Variants in WWC1 observed in about 807,000 individuals in gnomAD.
WWC1 encodes protein KIBRA.
Under a neutral mutation model 138.4 loss-of-function variants are expected in WWC1, and 55 were observed. The observed-to-expected ratio is 0.40, with a 90% CI of 0.32 to 0.50. The LOEUF is 0.50. WWC1 is among the 20% of genes least tolerant of loss of function. WWC1 has a pLI of 0.72. For missense variants in WWC1, 1,226 were observed against 1,420.4 expected, an observed-to-expected ratio of 0.86 and a Z score of 2.20; for synonymous variants, 524 against 564.9, an observed-to-expected ratio of 0.93 and a Z score of 1.03.
chr5:168,432,365 G>T (rs1354801351), intron 15 of WWC1, among the ~76,000 whole-genome samples: 3 of 152,140 alleles, frequency 2.0e-5, no homozygotes, highest in South Asian at 4.1e-4. Context: ...CACTGCATTG[G>T]CAGGAGTCAG....
At chr5:168,360,193 G>A (rs1244224902) in intron 1 of WWC1, among the ~76,000 whole-genome samples, 1 of 152,186 alleles carries the variant, frequency 6.6e-6, no homozygotes, top group Non-Finnish European at 1.5e-5. Context: ...CAGGACTGCA[G>A]CCTAGGTGAT....
intron 10 of WWC1, among the ~76,000 whole-genome samples, 175 bp downstream of exon 10, chr5:168,422,272 A>G (rs1196588245): frequency 6.6e-6 from 1 of 152,180 alleles, no homozygotes; most frequent in Non-Finnish European, 1.5e-5. Context: ...GTAGCTAGGA[A>G]TAGGGGTCTT....
In WWC1 at chr5:168,431,259, C is replaced by T. The variant is rs1444550168; in HGVS notation, c.2095C>T (p.Arg699Cys). 3 of 1,612,446 alleles carry T rather than the reference C, an allele frequency of 1.9e-6. No homozygotes were observed. The highest frequency in any genetic ancestry group is 2.2e-5 in the East Asian group (1 of 44,844). ...GGTTCTGTCTCCCTCTAGGAATATC[C>T]GCGTGGCTGTCCTTCCTTGCTCTGA... The part of the protein sequence containing the change: ...LQQQDQKVNI[R>C]VAVLPCSEST... The change falls in exon 15 of 23, where the codon CGC becomes TGC. Residue 699 changes from arginine (R) to cysteine (C), a missense_variant. By Grantham distance (180) the Arg-to-Cys change is radical (BLOSUM62 -3). This residue lies in a region of WWC1 where 1,016 missense variants were observed against 1,153.9 expected (regional missense o/e 0.88). Transcript: ENST00000265293.
At position 168,397,715 on chromosome 5, in the gene WWC1, T is replaced by C; in HGVS notation, c.434-9T>C. ...TACTGATATTCTTGTTTTTCTTTTTTCCTTACAGTGGTCTCTGGTTCATCA... is the reference window on the plus strand; with the variant it reads ...TACTGATATTCTTGTTTTTCTTTTTCCCTTACAGTGGTCTCTGGTTCATCA... On this transcript the variant is annotated splice_polypyrimidine_tract_variant and intron_variant, in intron 3 of 22. Transcript: ENST00000265293. 6.2e-7 allele frequency: 1 copy of C among 1,613,964 alleles called. No homozygotes were observed. The highest frequency in any genetic ancestry group is 8.5e-7 in the Non-Finnish European group (1 of 1,179,890).
chr5:168,408,477 C>T (rs1445913858), intron 6 of WWC1, 30 bp from the exon 7 acceptor site: 2 of 1,609,594 alleles, frequency 1.2e-6, no homozygotes, highest in East Asian at 2.2e-5. Context: ...TGGGAAGGCG[C>T]ATCACTAACC....
intron 1 of WWC1, among the ~76,000 whole-genome samples, chr5:168,308,400 G>C (rs557177731): frequency 6.6e-6 from 1 of 152,324 alleles, no homozygotes; most frequent in South Asian, 2.1e-4. Flanking sequence ...GATAAAGTTA[G>C]AAAGTTCTGT....
chr5:168,361,637 TC>T (rs1231964289), intron 1 of WWC1, among the ~76,000 whole-genome samples: 1 of 152,154 alleles, frequency 6.6e-6, no homozygotes, highest in Non-Finnish European at 1.5e-5. Context: ...CTGGAGTTGG[TC>T]CCCAGGTCCC....
In WWC1 at chr5:168,443,028, G is replaced by C. The variant is rs532947375; in HGVS notation, c.2433+1194G>C. ...AGAACTCAGTTGAGCAGTGAAGTTA[G>C]TCTTACATATGGGGTATTGGACTCC... On this transcript the variant is annotated intron_variant, in intron 16 of 22. Transcript: ENST00000265293. Among the ~76,000 whole-genome samples, 5 of 152,184 alleles carry C rather than the reference G, an allele frequency of 3.3e-5. No homozygotes were observed. In the South Asian group the frequency reaches 1.0e-3, roughly 32 times the overall value.
chr5:168,318,630 G>A (rs1455366942), intron 1 of WWC1, among the ~76,000 whole-genome samples: 1 of 150,204 alleles, frequency 6.7e-6, no homozygotes, highest in East Asian at 2.0e-4. Context: ...CGTGGTCTCA[G>A]CTCACTGCAG....
intron 1 of WWC1, among the ~76,000 whole-genome samples, chr5:168,316,181 G>C (rs549275319): frequency 3.9e-5 from 6 of 152,086 alleles, no homozygotes; most frequent in Non-Finnish European, 7.3e-5. Context: ...TGTGAGGCTC[G>C]CAATTGCTAT....
At chr5:168,455,765 C>T (rs2152886859) in intron 19 of WWC1, among the ~76,000 whole-genome samples, 1 of 152,276 alleles carries the variant, frequency 6.6e-6, no homozygotes, top group South Asian at 2.1e-4. Context: ...AACTCACTTC[C>T]TCCTTGTTCA....
chr5:168,428,235 C>G, intron 12 of WWC1, 94 bp downstream of exon 12: 1 of 1,295,982 alleles, frequency 7.7e-7, no homozygotes, highest in South Asian at 1.3e-5. Flanking sequence ...TAGGTTTTGG[C>G]CCCCACAGTG....
intron 1 of WWC1, among the ~76,000 whole-genome samples, chr5:168,355,152 TG>T (rs1197737505): frequency 4.6e-5 from 7 of 151,992 alleles, no homozygotes; most frequent in Admixed American, 3.3e-4. Flanking sequence ...AGAAAGTAAT[TG>T]GGGGAGGGTG....
intron 1 of WWC1, among the ~76,000 whole-genome samples, chr5:168,345,489 T>C (rs1774390526): frequency 6.6e-6 from 1 of 152,202 alleles, no homozygotes; most frequent in South Asian, 2.1e-4. Flanking sequence ...AACTCAGCCA[T>C]TCCTTGGGTG....
In WWC1 at chr5:168,292,073, C is replaced by A. The variant is rs1012741480; in HGVS notation, c.-80C>A. On this transcript the variant is annotated 5_prime_UTR_variant, in exon 1 of 23. Coordinates refer to ENST00000265293, the MANE Select transcript of WWC1 (RefSeq NM_015238.3). This position sits in a 1 kb window ranked among gnomAD's most constrained non-coding sequence, Gnocchi z 4.4. ...CATGGTGCCTCGGCGGCCGCCCGGG[C>A]TAAGAGCGGCCGGCTGGAGCCGCTG... is the stretch of plus-strand genomic sequence containing the variant. 1.3e-5 allele frequency: 18 copies of A among 1,420,208 alleles called. No individual in the cohort carries two copies. Among genetic ancestry groups the A allele is most frequent in the Admixed American group, 3.3e-5 (1 of 30,734 alleles). The allele number at this position is 1,420,208 out of a possible 1,614,324, so 88.0% of individuals were successfully genotyped here.
chr5:168,338,089 T>C (rs1012724392), intron 1 of WWC1, among the ~76,000 whole-genome samples: 1 of 151,998 alleles, frequency 6.6e-6, no homozygotes, highest in Non-Finnish European at 1.5e-5. Context: ...GGTGGGCAGA[T>C]CACCTGAGGT....
In WWC1 at chr5:168,423,658, A is replaced by G; in HGVS notation, c.1400A>G (p.Tyr467Cys). Residue 467 changes from tyrosine to cysteine, a missense_variant, in exon 11 of 23, where the codon TAT becomes TGT. Coordinates refer to ENST00000265293, the MANE Select transcript of WWC1 (RefSeq NM_015238.3). ...TCAGCCAGCTTCACTGACCTCTACT[A>G]TGACCCCTTTGAGCAGCTGGACTCA... is the stretch of plus-strand genomic sequence containing the variant. ...STSASFTDLY[Y>C]DPFEQLDSEL... is the part of the protein sequence containing the mutation. 1 of 1,614,042 alleles carries G rather than the reference A, an allele frequency of 6.2e-7. No homozygotes were observed. The highest frequency in any genetic ancestry group is 8.5e-7 in the Non-Finnish European group (1 of 1,180,006).
intron 1 of WWC1, among the ~76,000 whole-genome samples, chr5:168,304,042 C>A (rs1353128636): frequency 6.6e-6 from 1 of 152,138 alleles, no homozygotes; most frequent in Non-Finnish European, 1.5e-5. Flanking sequence ...CATTTCTTCA[C>A]CGGCAAAATG....
chr5:168,330,009 C>T (rs973126701), intron 1 of WWC1, among the ~76,000 whole-genome samples: 2 of 152,086 alleles, frequency 1.3e-5, no homozygotes, highest in African/African-American at 2.4e-5. Flanking sequence ...ACTTGGGAGG[C>T]GGAGGCATGA....
Sources: allele counts gnomAD v4.1 joint callset (sites outside exome capture counted in the v4.1 genomes callset), GRCh38; gene constraint gnomAD v4.1.1; regional missense constraint gnomAD v4.1.1; non-coding constraint Gnocchi (gnomAD v3.1); transcripts MANE v1.5; gene names NCBI Gene and HGNC (gene_info 2026-07-23, HGNC 2026-07-21).